DMAC2L: variants seen among roughly 807,000 people sequenced by gnomAD.
DMAC2L encodes ATP synthase subunit s, mitochondrial.
Under a neutral mutation model 22.5 loss-of-function variants are expected in DMAC2L, and 21 were observed. That is an observed-to-expected ratio of 0.93 (90% CI 0.66 to 1.34). The LOEUF (loss-of-function observed/expected upper bound fraction) is 1.34, where lower values mean the gene tolerates loss of function less well. DMAC2L is among the 40% of genes most tolerant of loss of function. The probability of loss-of-function intolerance (pLI) is 0.00; values close to 1 mark genes in which losing one functional copy is unlikely to be tolerated. For synonymous variants in DMAC2L, 86 were observed against 89.5 expected (o/e 0.96, Z 0.22); for missense variants, 239 against 246.5 (o/e 0.97, Z 0.20).
chr14:50,317,955 AG>A (rs35471939), intron 2 of DMAC2L, among the ~76,000 whole-genome samples: 1 of 152,196 alleles, frequency 6.6e-6, no homozygotes, highest in African/African-American at 2.4e-5. Flanking sequence ...TTAATCACAA[AG>A]GGATGCTGGA....
At chr14:50,322,992 C>A in intron 4 of DMAC2L, 1 of 1,327,882 alleles carries the variant, frequency 7.5e-7, no homozygotes, top group East Asian at 3.0e-5. Context: ...GTCAAACTAT[C>A]TTTGTCAAAC....
At chr14:50,322,394 C>T in intron 3 of DMAC2L, 117 bp from the exon 4 acceptor site, 5 of 1,132,662 alleles carry the variant, frequency 4.4e-6, no homozygotes, top group Non-Finnish European at 6.0e-6. Flanking sequence ...ATTTATCTTC[C>T]TCGTCAGTCA....
Position 50,322,593 on chromosome 14 carries a change from T to C in DMAC2L, c.190T>C (p.Tyr64His), listed in dbSNP as rs1375149803. ...WLLRCGAMVR[Y>H]HGQERWQKDY... ...GCTGCGCTGTGGGGCCATGGTGCGC[T>C]ACCATGGCCAGGAGAGGTGGCAGAA... The change falls in exon 4 of 6, where the codon TAC becomes CAC. Residue 64 changes from tyrosine to histidine, a missense_variant. Physicochemically the swap from Tyr to His is moderately conservative, Grantham distance 83. Coordinates refer to ENST00000557421, the MANE Select transcript of DMAC2L (RefSeq NM_001382507.1). The C allele has an allele frequency of 3.1e-6, 5 of 1,613,790 alleles. No homozygotes were observed. The highest frequency in any genetic ancestry group is 4.2e-6 in the Non-Finnish European group (5 of 1,179,784).
intron 4 of DMAC2L, chr14:50,323,157 C>T (rs956616527): frequency 4.0e-5 from 19 of 476,308 alleles, no homozygotes; most frequent in Non-Finnish European, 4.9e-5. Context: ...GCGATCTCAG[C>T]TCACTGCAAG....
Position 50,321,571 on chromosome 14 carries a change from C to G in DMAC2L, c.84C>G (p.Gly28=). The stretch of plus-strand genomic sequence containing the variant: ...CATGTGACTCCAGATACTTCTGGGG[C>G]TGGTTGAATGCAGTGTTTAATAAGT... ...PWSCDSRYFW[G]WLNAVFNKVD... The change falls in exon 3 of 6, where the codon GGC becomes GGG. Residue 28 remains glycine, a synonymous_variant. Coordinates refer to ENST00000557421, the MANE Select transcript of DMAC2L (RefSeq NM_001382507.1). 6.2e-7 allele frequency: 1 copy of G among 1,613,206 alleles called. No individual in the cohort carries two copies. The highest frequency in any genetic ancestry group is 1.1e-5 in the South Asian group (1 of 91,044).
chr14:50,321,867 G>A (rs1214466322), intron 3 of DMAC2L, among the ~76,000 whole-genome samples: 1 of 152,106 alleles, frequency 6.6e-6, no homozygotes, highest in African/African-American at 2.4e-5. Flanking sequence ...TTTATAATCA[G>A]AAAAACTTAT....
chr14:50,316,810 T>C (rs1040891672), intron 2 of DMAC2L, among the ~76,000 whole-genome samples: 1 of 152,198 alleles, frequency 6.6e-6, no homozygotes, highest in African/African-American at 2.4e-5. Flanking sequence ...TATGGTATAG[T>C]TTGAAATCAG....
rs981539557 is a variant in DMAC2L, at chr14:50,319,445, T to C, written c.-5-2038T>C. On this transcript the variant is annotated intron_variant, in intron 2 of 5. Coordinates refer to ENST00000557421, the MANE Select transcript of DMAC2L (RefSeq NM_001382507.1). ...CTTGAATTCCAGAACCATGTAATGA[T>C]TGAGGAAAGGACCCTGGGCTGGTAG... 3.4e-5 allele frequency: 44 copies of C among 1,292,968 alleles called. No individual in the cohort carries two copies. In the African/African-American group the frequency reaches 6.1e-4, roughly 18 times the overall value. 80.1% of individuals were successfully genotyped at this position (1,292,968 alleles called of 1,614,324 possible).
chr14:50,312,183 G>C (rs1269551293), upstream of DMAC2L: 8 of 1,606,040 alleles, frequency 5.0e-6, no homozygotes, highest in Non-Finnish European at 6.8e-6. Context: ...TCAGCGCTCA[G>C]AAGAAGCCAC....
intron 2 of DMAC2L, among the ~76,000 whole-genome samples, chr14:50,315,097 G>T (rs2031651636): frequency 6.6e-6 from 1 of 152,008 alleles, no homozygotes; most frequent in Non-Finnish European, 1.5e-5. Flanking sequence ...CTCCTGAGTA[G>T]CTGGGACTAT....
At chr14:50,320,098 T>A (rs2032140309) in intron 2 of DMAC2L, among the ~76,000 whole-genome samples, 1 of 152,056 alleles carries the variant, frequency 6.6e-6, no homozygotes, top group African/African-American at 2.4e-5. Flanking sequence ...TTTTATTTAT[T>A]TATTTATTTT....
chr14:50,318,737 A>G (rs2032022225), intron 2 of DMAC2L, among the ~76,000 whole-genome samples: 1 of 152,032 alleles, frequency 6.6e-6, no homozygotes, highest in South Asian at 2.1e-4. Context: ...ACTCTTAATC[A>G]TTAAGACCCA....
chr14:50,318,971 G>A, intron 2 of DMAC2L: 3 of 957,020 alleles, frequency 3.1e-6, no homozygotes, highest in Non-Finnish European at 3.7e-6. Flanking sequence ...TCTTACCATT[G>A]TTGCCTTTGC....
chr14:50,323,431 T>C (rs2032463364), intron 4 of DMAC2L, among the ~76,000 whole-genome samples: 1 of 129,268 alleles, frequency 7.7e-6, no homozygotes, highest in African/African-American at 2.9e-5. Context: ...TCTCACTCTG[T>C]CACCAAGGCT....
intron 1 of DMAC2L, 30 bp downstream of exon 1, chr14:50,312,419 GC>G: frequency 1.8e-6 from 1 of 551,806 alleles, no homozygotes; most frequent in East Asian, 3.2e-5. Flanking sequence ...CCCGAGCCGG[GC>G]GGGACTAGGG....
At chr14:50,312,178 G>C, upstream of DMAC2L, 1 of 1,607,110 alleles carries the variant, frequency 6.2e-7, no homozygotes, top group Non-Finnish European at 8.5e-7. Context: ...CTCCCTCAGC[G>C]CTCAGAAGAA....
chr14:50,322,570 T>C lies in DMAC2L; in HGVS notation c.167T>C (p.Leu56Pro). 1 of 1,614,140 alleles carries C rather than the reference T, an allele frequency of 6.2e-7. No individual in the cohort carries two copies. The highest frequency in any genetic ancestry group is 8.5e-7 in the Non-Finnish European group (1 of 1,180,000). ...GACAGGGCGGCATCCGAGTGGTTGC[T>C]GCGCTGTGGGGCCATGGTGCGCTAC... ...GPDRAASEWL[L>P]RCGAMVRYHG... The change falls in exon 4 of 6, where the codon CTG becomes CCG. Residue 56 changes from leucine (L) to proline (P), a missense_variant. Coordinates refer to ENST00000557421, the MANE Select transcript of DMAC2L (RefSeq NM_001382507.1).
rs375065534 is a variant in DMAC2L at position 50,326,190 on chromosome 14, C to G, written c.*467C>G. The stretch of plus-strand genomic sequence containing the variant: ...GTTGCAGGGACCCGAGATTGTGCCA[C>G]TGCACTCCAGCCTGGGTGACAGAGC... On this transcript the variant is annotated 3_prime_UTR_variant, in exon 6 of 6. Transcript: ENST00000557421. 168 of 247,008 alleles carry G rather than the reference C, an allele frequency of 6.8e-4. No homozygotes were observed. The highest frequency in any genetic ancestry group is 4.3e-3 in the Middle Eastern group (2 of 460). The allele number at this position is 247,008 out of a possible 1,614,324, so 15.3% of individuals were successfully genotyped here.
chr14:50,312,379 C>A lies in DMAC2L; in HGVS notation c.-52C>A, dbSNP rs979941176. On this transcript the variant is annotated 5_prime_UTR_variant, in exon 1 of 6. Transcript: ENST00000557421. ...CGCTGGCTCGCTCCCTCCCTCCCTCCCTCCGACGCTGTGAGTAGAGAAGCT... is the reference window on the plus strand; with the variant it reads ...CGCTGGCTCGCTCCCTCCCTCCCTCACTCCGACGCTGTGAGTAGAGAAGCT... The A allele has an allele frequency of 9.2e-5, 56 of 606,202 alleles. No individual in the cohort carries two copies. The highest frequency in any genetic ancestry group is 1.5e-4 in the Non-Finnish European group (53 of 345,336). The allele number at this position is 606,202 out of a possible 1,614,324, so 37.6% of individuals were successfully genotyped here.
Sources: gnomAD v4.1 joint callset for allele counts (sites outside exome capture counted in the v4.1 genomes callset) on GRCh38, gnomAD v4.1.1 for gene constraint, MANE v1.5 for transcripts, NCBI Gene and HGNC (gene_info 2026-07-23, HGNC 2026-07-21) for gene names.